The following SNX8 variants were observed in gnomAD, a reference collection of about 807,000 sequenced individuals.
The protein encoded by SNX8 is sorting nexin-8.
Under a neutral mutation model 51.6 loss-of-function variants are expected in SNX8, and 25 were observed. The ratio of observed to expected loss-of-function variants is 0.48; its 90% confidence interval spans 0.35 to 0.68. The LOEUF is 0.68. Ranked by LOEUF, SNX8 falls within the 30% of genes least tolerant of loss-of-function variation. The pLI is 0.00. For missense variants in SNX8, 695 were observed against 624.0 expected (o/e 1.11, Z -1.21); for synonymous variants, 324 against 277.0 (o/e 1.17, Z -1.68).
Position 2,253,646 on chromosome 7 carries a change from C to T in SNX8, c.*1410G>A. 1 of 152,740 alleles carries T rather than the reference C, an allele frequency of 6.5e-6. No individual in the cohort carries two copies. Among genetic ancestry groups the T allele is most frequent in the Non-Finnish European group, 1.5e-5 (1 of 68,412 alleles). The allele number at this position is 152,740 out of a possible 1,614,324, so 9.5% of individuals were successfully genotyped here. ...CAGGGCAGGGCAGGCTGGGCCCGAG[C>T]CCCACAGCCACCGAGTCAGCACAGC... On this transcript the variant is annotated 3_prime_UTR_variant, in exon 11 of 11. Coordinates refer to ENST00000222990, the MANE Select transcript of SNX8 (RefSeq NM_013321.4).
At chr7:2,320,040 A>C (rs1295412949) in intron 1 of SNX8, among the ~76,000 whole-genome samples, 1 of 151,966 alleles carries the variant, frequency 6.6e-6, no homozygotes, top group Non-Finnish European at 1.5e-5. Flanking sequence ...AAAGTACAAT[A>C]ATACCTTTAT....
At chr7:2,278,357 GC>G (rs745489385) in intron 1 of SNX8, 52 bp from the exon 2 acceptor site, 8 of 1,212,300 alleles carry the variant, frequency 6.6e-6, no homozygotes, top group Non-Finnish European at 8.1e-6. Context: ...AAAAGCTGGA[GC>G]CTTGGCTGGG....
At chr7:2,352,109 T>G (rs542747385) in intron 1 of SNX8, among the ~76,000 whole-genome samples, 5 of 152,036 alleles carry the variant, frequency 3.3e-5, no homozygotes, top group Admixed American at 3.3e-4. Flanking sequence ...GGTTTCACCA[T>G]GTTGTTCAGG....
At chr7:2,309,706 G>A (rs1796622304) in intron 1 of SNX8, 1 of 446,760 alleles carries the variant, frequency 2.2e-6, no homozygotes, top group Non-Finnish European at 4.6e-6. Context: ...ACTCCAGCCT[G>A]GACAACAAGA....
chr7:2,286,795 C>T (rs913224855), intron 1 of SNX8, among the ~76,000 whole-genome samples: 3 of 152,044 alleles, frequency 2.0e-5, no homozygotes, highest in Admixed American at 6.6e-5. Flanking sequence ...GGATTACAGG[C>T]ATGAGCCACC....
chr7:2,335,835 A>G (rs961449860), intron 1 of SNX8, among the ~76,000 whole-genome samples: 6 of 150,648 alleles, frequency 4.0e-5, no homozygotes, highest in Admixed American at 6.6e-5. Context: ...AAAATTCTAC[A>G]GTAGGCAAAA....
chr7:2,320,008 C>T (rs895470340), intron 1 of SNX8, among the ~76,000 whole-genome samples: 11 of 151,968 alleles, frequency 7.2e-5, no homozygotes, highest in African/African-American at 2.7e-4. Context: ...AACAAAAAAC[C>T]GTAAATCGTT....
intron 1 of SNX8, among the ~76,000 whole-genome samples, chr7:2,291,305 A>C (rs1190104040): frequency 6.6e-6 from 1 of 151,916 alleles, no homozygotes; most frequent in Non-Finnish European, 1.5e-5. Context: ...TTTAAAAAAA[A>C]AAAGAAACTA....
At chr7:2,279,981 T>G (rs534185197) in intron 1 of SNX8, among the ~76,000 whole-genome samples, 1 of 152,144 alleles carries the variant, frequency 6.6e-6, no homozygotes, top group Non-Finnish European at 1.5e-5. Context: ...ATCTTCTAAA[T>G]GCCCCAGTGT....
chr7:2,342,441 G>T (rs959950133), intron 1 of SNX8, among the ~76,000 whole-genome samples: 3 of 152,074 alleles, frequency 2.0e-5, no homozygotes, highest in Middle Eastern at 3.2e-3. Context: ...ATCACTTGAG[G>T]TCAGGAGTTC....
At chr7:2,306,687 G>T (rs1396390958) in intron 1 of SNX8, among the ~76,000 whole-genome samples, 5 of 152,122 alleles carry the variant, frequency 3.3e-5, no homozygotes, top group Non-Finnish European at 7.3e-5. Flanking sequence ...CAGGAAAAAA[G>T]GAAATATATT....
chr7:2,278,699 C>T (rs1315305916), intron 1 of SNX8, among the ~76,000 whole-genome samples: 2 of 114,038 alleles, frequency 1.8e-5, no homozygotes, highest in Admixed American at 9.1e-5. Context: ...GAGTCGACGC[C>T]GGACTCACTC....
At chr7:2,259,516 G>C (rs919125690) in intron 7 of SNX8, among the ~76,000 whole-genome samples, 2 of 152,192 alleles carry the variant, frequency 1.3e-5, no homozygotes, top group African/African-American at 4.8e-5. Flanking sequence ...CCCTGGAATG[G>C]GAGCCAGGGG....
chr7:2,301,256 G>T (rs1383004354), intron 1 of SNX8, among the ~76,000 whole-genome samples: 2 of 152,140 alleles, frequency 1.3e-5, no homozygotes, highest in East Asian at 3.9e-4. Context: ...CACAGGCCAG[G>T]CCACACTGCT....
chr7:2,352,037 A>G (rs1161443860), intron 1 of SNX8, among the ~76,000 whole-genome samples: 1 of 150,248 alleles, frequency 6.7e-6, no homozygotes, highest in Non-Finnish European at 1.5e-5. Context: ...CCTCCTGAGT[A>G]GCTGAGATTA....
intron 4 of SNX8, among the ~76,000 whole-genome samples, chr7:2,271,630 C>A (rs1169184086): frequency 6.6e-6 from 1 of 152,186 alleles, no homozygotes; most frequent in South Asian, 2.1e-4. Context: ...GATCTCCACG[C>A]GGATTTACAA....
At chr7:2,330,788 G>C (rs114739566) in intron 1 of SNX8, among the ~76,000 whole-genome samples, 1 of 152,102 alleles carries the variant, frequency 6.6e-6, no homozygotes, top group African/African-American at 2.4e-5. Context: ...TGAGAATGCA[G>C]GAAAAACATG....
At chr7:2,323,349 ACAAC>A (rs2115226997) in intron 1 of SNX8, among the ~76,000 whole-genome samples, 1 of 145,600 alleles carries the variant, frequency 6.9e-6, no homozygotes, top group East Asian at 2.0e-4. Flanking sequence ...AAAAAAAAAA[ACAAC>A]CAAACAAACA....
chr7:2,323,936 A>G (rs529648357), intron 1 of SNX8, among the ~76,000 whole-genome samples: 1 of 152,108 alleles, frequency 6.6e-6, no homozygotes, highest in South Asian at 2.1e-4. Context: ...CCTAGCCAAC[A>G]TGGTAAAACC....
Sources: gnomAD v4.1 joint callset for allele counts (sites outside exome capture counted in the v4.1 genomes callset) on GRCh38, gnomAD v4.1.1 for gene constraint, MANE v1.5 for transcripts, NCBI Gene and HGNC (gene_info 2026-07-23, HGNC 2026-07-21) for gene names.